Variants in NT5DC1 observed in about 807,000 individuals in gnomAD.
NT5DC1 encodes 5'-nucleotidase domain-containing protein 1.
In NT5DC1, 42 loss-of-function variants were observed where a neutral mutation model predicts 59.4. That is an observed-to-expected ratio of 0.71 (90% CI 0.55 to 0.92). NT5DC1 has a LOEUF of 0.92. NT5DC1 is among the 40% of genes least tolerant of loss of function. The pLI is 0.00. For synonymous variants in NT5DC1, 172 were observed against 188.1 expected, an observed-to-expected ratio of 0.91 and a Z score of 0.70; for missense variants, 501 against 537.1, an observed-to-expected ratio of 0.93 and a Z score of 0.66.
intron 6 of NT5DC1, among the ~76,000 whole-genome samples, chr6:116,174,379 A>G (rs1437168325): frequency 1.3e-5 from 2 of 152,160 alleles, no homozygotes; most frequent in Non-Finnish European, 2.9e-5. Flanking sequence ...TGACCTTACT[A>G]ATAGGTCTGT....
intron 6 of NT5DC1, among the ~76,000 whole-genome samples, chr6:116,202,310 A>C (rs1781366556): frequency 6.6e-6 from 1 of 151,958 alleles, no homozygotes; most frequent in Non-Finnish European, 1.5e-5. Context: ...GAATACATAG[A>C]TCAGTAGCAG....
intron 6 of NT5DC1, among the ~76,000 whole-genome samples, chr6:116,215,527 T>C (rs1328775233): frequency 6.6e-6 from 1 of 152,140 alleles, no homozygotes; most frequent in Admixed American, 6.6e-5. Flanking sequence ...TTGTATGTGA[T>C]TCTGTCATCA....
At chr6:116,214,819 A>AT (rs970413952) in intron 6 of NT5DC1, among the ~76,000 whole-genome samples, 2 of 150,500 alleles carry the variant, frequency 1.3e-5, no homozygotes, top group African/African-American at 2.5e-5. Context: ...TTAAAGTATA[A>AT]TAAAAAAAAA....
chr6:116,121,245 C>A, intron 6 of NT5DC1: 1 of 1,613,822 alleles, frequency 6.2e-7, no homozygotes, highest in South Asian at 1.1e-5. Context: ...CCTGGGGGCC[C>A]AGCTATTCCT....
At chr6:116,168,071 T>G (rs1260427383) in intron 6 of NT5DC1, among the ~76,000 whole-genome samples, 1 of 149,724 alleles carries the variant, frequency 6.7e-6, no homozygotes, top group Non-Finnish European at 1.5e-5. Flanking sequence ...CGATTTATGA[T>G]GTACCTGGTG....
chr6:116,112,754 T>C (rs1445684957), intron 4 of NT5DC1, among the ~76,000 whole-genome samples: 1 of 152,244 alleles, frequency 6.6e-6, no homozygotes, highest in African/African-American at 2.4e-5. Flanking sequence ...TTCATACATA[T>C]ATCTAGGATA....
intron 6 of NT5DC1, among the ~76,000 whole-genome samples, chr6:116,179,445 A>T (rs1780825440): frequency 6.6e-6 from 1 of 152,108 alleles, no homozygotes; most frequent in African/African-American, 2.4e-5. Flanking sequence ...ATCAGCAGAA[A>T]AAAAACAATC....
intron 5 of NT5DC1, 131 bp from the exon 6 acceptor site, chr6:116,117,730 T>A (rs193232305): frequency 3.3e-6 from 2 of 600,608 alleles, no homozygotes; most frequent in Non-Finnish European, 5.9e-6. Context: ...TGTACCATTA[T>A]AAAATAAAAA....
At chr6:116,136,207 G>C (rs1204955931) in intron 6 of NT5DC1, among the ~76,000 whole-genome samples, 4 of 151,902 alleles carry the variant, frequency 2.6e-5, no homozygotes, top group African/African-American at 9.7e-5. Context: ...TCTGTGTCTG[G>C]TGTATTTCAC....
intron 6 of NT5DC1, among the ~76,000 whole-genome samples, chr6:116,214,756 G>C (rs1187711812): frequency 6.6e-6 from 1 of 151,972 alleles, no homozygotes. Flanking sequence ...TGTGGAAATG[G>C]GTGTTCATTG....
chr6:116,184,449 G>T (rs772474018), intron 6 of NT5DC1, among the ~76,000 whole-genome samples: 1 of 151,776 alleles, frequency 6.6e-6, no homozygotes, highest in Non-Finnish European at 1.5e-5. Context: ...TTTTGAAATA[G>T]TGTCAATTGG....
intron 6 of NT5DC1, chr6:116,125,907 A>G (rs1472081880): frequency 6.2e-6 from 1 of 161,828 alleles, no homozygotes; most frequent in African/African-American, 2.4e-5. Flanking sequence ...TGATGCAAAA[A>G]GAACTTTTGG....
At chr6:116,200,928 C>A (rs1262809436) in intron 6 of NT5DC1, among the ~76,000 whole-genome samples, 1 of 151,998 alleles carries the variant, frequency 6.6e-6, no homozygotes, top group African/African-American at 2.4e-5. Context: ...TTACAACTTA[C>A]CAGTGCTTTT....
At chr6:116,115,791 T>G in intron 5 of NT5DC1, 21 bp downstream of exon 5, 1 of 1,231,200 alleles carries the variant, frequency 8.1e-7, no homozygotes, top group Non-Finnish European at 1.2e-6. Context: ...ACTCATTTTT[T>G]AAAACTATGA....
chr6:116,171,961 T>C (rs1321147732), intron 6 of NT5DC1, among the ~76,000 whole-genome samples: 2 of 152,206 alleles, frequency 1.3e-5, no homozygotes, highest in Non-Finnish European at 2.9e-5. Flanking sequence ...ATTTTATTGA[T>C]GGATAGCCAG....
intron 6 of NT5DC1, chr6:116,120,512 G>A: frequency 6.2e-7 from 1 of 1,614,228 alleles, no homozygotes; most frequent in Non-Finnish European, 8.5e-7. Flanking sequence ...AGGGGTCCCA[G>A]AAAGACTGGG....
chr6:116,188,060 G>T (rs1372313186), intron 6 of NT5DC1, among the ~76,000 whole-genome samples: 1 of 151,920 alleles, frequency 6.6e-6, no homozygotes, highest in Non-Finnish European at 1.5e-5. Flanking sequence ...TTTACAAATA[G>T]GGAACTCTAA....
At chr6:116,156,868 C>G (rs1319678709) in intron 6 of NT5DC1, among the ~76,000 whole-genome samples, 2 of 152,222 alleles carry the variant, frequency 1.3e-5, no homozygotes, top group South Asian at 4.1e-4. Context: ...TACATCACAA[C>G]TCTTGCCACA....
intron 4 of NT5DC1, among the ~76,000 whole-genome samples, chr6:116,113,395 G>T (rs1778914020): frequency 6.6e-6 from 1 of 152,208 alleles, no homozygotes. Context: ...GTTTTTCTCT[G>T]TGTAAAACTT....
Sources: allele counts gnomAD v4.1 joint callset (sites outside exome capture counted in the v4.1 genomes callset), GRCh38; gene constraint gnomAD v4.1.1; transcripts MANE v1.5; gene names NCBI Gene and HGNC (gene_info 2026-07-23, HGNC 2026-07-21).